Variants in RASGRF2 observed in about 807,000 individuals in gnomAD.
RASGRF2 encodes the protein ras-specific guanine nucleotide-releasing factor 2.
RASGRF2 carries 76 observed loss-of-function variants against 151.0 expected under a neutral mutation model. The observed-to-expected ratio is 0.50, with a 90% CI of 0.42 to 0.61. The LOEUF (loss-of-function observed/expected upper bound fraction) is 0.61, where lower values mean the gene tolerates loss of function less well. Ranked by LOEUF, RASGRF2 falls within the 20% of genes least tolerant of loss-of-function variation. RASGRF2 has a pLI of 0.00. For synonymous variants in RASGRF2, 504 were observed against 566.5 expected (o/e 0.89, Z 1.57); for missense variants, 1,148 against 1,564.6 (o/e 0.73, Z 4.49).
chr5:81,214,687 C>T (rs566700009), intron 23 of RASGRF2, among the ~76,000 whole-genome samples: 50 of 152,264 alleles, frequency 3.3e-4, no homozygotes, highest in Admixed American at 5.9e-4. Flanking sequence ...GTTTGAGGAC[C>T]CTCAACCTGG....
At chr5:81,117,513 C>G (rs1201375523) in intron 15 of RASGRF2, among the ~76,000 whole-genome samples, 2 of 152,132 alleles carry the variant, frequency 1.3e-5, no homozygotes, top group Non-Finnish European at 2.9e-5. Flanking sequence ...CTTAGAGGTC[C>G]CACCTCTCAA....
intron 1 of RASGRF2, among the ~76,000 whole-genome samples, chr5:81,024,743 A>G (rs1013538507): frequency 4.6e-5 from 7 of 152,186 alleles, no homozygotes; most frequent in African/African-American, 1.7e-4. Context: ...TCCAGGATGA[A>G]GTCTTGGGCA....
At chr5:81,135,265 C>T (rs965115306) in intron 17 of RASGRF2, among the ~76,000 whole-genome samples, 1 of 152,104 alleles carries the variant, frequency 6.6e-6, no homozygotes, top group African/African-American at 2.4e-5. Context: ...AATGATCGTG[C>T]TCCATCCCAG....
chr5:81,212,635 A>G (rs2112735517), intron 23 of RASGRF2, 72 bp downstream of exon 23: 2 of 1,354,404 alleles, frequency 1.5e-6, no homozygotes, highest in South Asian at 1.4e-5. Context: ...CAAGTTAAAT[A>G]TTACTAATTA....
At position 81,217,455 on chromosome 5, in the gene RASGRF2, T is replaced by C; in HGVS notation, c.3534T>C (p.Asn1178=). 6.2e-7 allele frequency: 1 copy of C among 1,612,774 alleles called. No homozygotes were observed. The highest frequency in any genetic ancestry group is 8.5e-7 in the Non-Finnish European group (1 of 1,179,592). ...ACTTTACTGAGGAAGGCCTTGTCAATTTCTCCAAAATGAGAATGGTAGGTA... is the reference window on the plus strand; with the variant it reads ...ACTTTACTGAGGAAGGCCTTGTCAACTTCTCCAAAATGAGAATGGTAGGTA... ...TPNFTEEGLV[N]FSKMRMISHI... The change falls in exon 25 of 27, where the codon AAT becomes AAC. Residue 1178 remains asparagine, a synonymous_variant. Transcript: ENST00000265080.
Position 81,073,453 on chromosome 5 carries a change from G to A in RASGRF2, c.887+1G>A. On this transcript the variant is annotated splice_donor_variant, in intron 5 of 26. Coordinates refer to ENST00000265080, the MANE Select transcript of RASGRF2 (RefSeq NM_006909.3). LOFTEE classifies it high-confidence loss of function. ...ACGTCAGCAGTATTTTTCTTAACAG[G>A]TTTGACATTGCATAAATCAAAGAGT... 1.2e-6 allele frequency: 2 copies of A among 1,612,482 alleles called. No homozygotes were observed. The highest frequency in any genetic ancestry group is 1.7e-6 in the Non-Finnish European group (2 of 1,179,328).
chr5:80,960,728 G>A lies in RASGRF2; in HGVS notation c.-11G>A. On this transcript the variant is annotated 5_prime_UTR_variant, in exon 1 of 27. Transcript: ENST00000265080. This position sits in a 1 kb window ranked among gnomAD's most constrained non-coding sequence, Gnocchi z 5.5. ...ACCGGCGGCCACCCGTGAGCCCTCC[G>A]CACCCGCACCATGCAGAAGAGCGTG... The A allele has an allele frequency of 6.5e-7, 1 of 1,537,234 alleles. No homozygotes were observed. Among genetic ancestry groups the A allele is most frequent in the Non-Finnish European group, 8.8e-7 (1 of 1,134,476 alleles).
chr5:81,036,875 T>TC (rs1750516808), intron 1 of RASGRF2, among the ~76,000 whole-genome samples: 2 of 152,324 alleles, frequency 1.3e-5, no homozygotes, highest in African/African-American at 4.8e-5. Flanking sequence ...TACAAGGACT[T>TC]CCTTAGGAAG....
intron 17 of RASGRF2, among the ~76,000 whole-genome samples, chr5:81,154,981 T>C (rs1754226920): frequency 6.6e-6 from 1 of 152,292 alleles, no homozygotes; most frequent in Admixed American, 6.5e-5. Flanking sequence ...CCATTCTAAC[T>C]GGGGTGAGGT....
intron 17 of RASGRF2, among the ~76,000 whole-genome samples, chr5:81,169,623 G>T (rs1754597718): frequency 6.6e-6 from 1 of 152,192 alleles, no homozygotes; most frequent in Admixed American, 6.5e-5. Context: ...GGTCACATCT[G>T]CAAAGACCCT....
intron 15 of RASGRF2, among the ~76,000 whole-genome samples, chr5:81,120,673 G>A (rs991456241): frequency 6.6e-6 from 1 of 152,186 alleles, no homozygotes; most frequent in African/African-American, 2.4e-5. Flanking sequence ...GTGGCCAAGT[G>A]TATGGTTACT....
At chr5:81,218,595 CTG>C (rs1202979703) in intron 25 of RASGRF2, among the ~76,000 whole-genome samples, 1 of 152,164 alleles carries the variant, frequency 6.6e-6, no homozygotes, top group Non-Finnish European at 1.5e-5. Flanking sequence ...GTTTTGGTGA[CTG>C]TGGCCTTATA....
At chr5:81,104,810 G>A (rs2112527197) in intron 12 of RASGRF2, among the ~76,000 whole-genome samples, 1 of 152,286 alleles carries the variant, frequency 6.6e-6, no homozygotes, top group Admixed American at 6.5e-5. Flanking sequence ...CATAGATGAA[G>A]GGTGGAGGAG....
intron 25 of RASGRF2, among the ~76,000 whole-genome samples, chr5:81,219,477 C>T (rs903913513): frequency 3.3e-5 from 5 of 152,224 alleles, no homozygotes; most frequent in African/African-American, 1.2e-4. Flanking sequence ...CACATATTGC[C>T]AGCTGTTCCC....
intron 24 of RASGRF2, chr5:81,216,822 A>C (rs2112743191): frequency 3.5e-6 from 1 of 288,890 alleles, no homozygotes; most frequent in South Asian, 3.0e-5. Flanking sequence ...AGCTCTCTCT[A>C]AAAACCAAAC....
intron 1 of RASGRF2, among the ~76,000 whole-genome samples, chr5:80,972,592 A>G (rs905243063): frequency 5.9e-5 from 9 of 151,900 alleles, no homozygotes; most frequent in African/African-American, 1.7e-4. Context: ...CAGTTCTCCC[A>G]CCTCAGCCTT....
At chr5:81,200,821 A>C (rs1046898911) in intron 18 of RASGRF2, among the ~76,000 whole-genome samples, 2 of 152,224 alleles carry the variant, frequency 1.3e-5, no homozygotes, top group Non-Finnish European at 2.9e-5. Flanking sequence ...TCCTAGGCCC[A>C]AAATATGAAT....
At chr5:81,072,444 T>A (rs886664508) in intron 4 of RASGRF2, among the ~76,000 whole-genome samples, 16 of 152,184 alleles carry the variant, frequency 1.1e-4, no homozygotes, top group African/African-American at 3.1e-4. Flanking sequence ...AGTGTAAGGA[T>A]GTGTTAAATA....
At chr5:81,079,494 T>A (rs1253740407) in intron 5 of RASGRF2, among the ~76,000 whole-genome samples, 1 of 136,372 alleles carries the variant, frequency 7.3e-6, no homozygotes, top group Non-Finnish European at 1.6e-5. Flanking sequence ...TTGCAGTAGG[T>A]TAATTCCAAT....
Sources: allele counts gnomAD v4.1 joint callset (sites outside exome capture counted in the v4.1 genomes callset), GRCh38; gene constraint gnomAD v4.1.1; non-coding constraint Gnocchi (gnomAD v3.1); transcripts MANE v1.5; gene names NCBI Gene and HGNC (gene_info 2026-07-23, HGNC 2026-07-21).